The following XRN1 variants were observed in gnomAD, a reference collection of about 807,000 sequenced individuals.
XRN1 encodes 5'-3' exoribonuclease 1, also known as strand-exchange protein 1 homolog.
A neutral mutation model predicts 222.3 loss-of-function variants in XRN1; 67 were observed. The ratio of observed to expected loss-of-function variants is 0.30; its 90% CI spans 0.25 to 0.37. XRN1 has a LOEUF of 0.37. XRN1 is among the 10% of genes least tolerant of loss of function. The pLI, the probability that XRN1 is intolerant of heterozygous loss-of-function variation, is 1.00. For missense variants in XRN1, 1,707 were observed against 2,000.2 expected (o/e 0.85, Z 2.80); for synonymous variants, 643 against 652.4 (o/e 0.99, Z 0.22).
chr3:142,400,373 GAATC>G (rs2068081535), intron 19 of XRN1, 67 bp downstream of exon 19: 3 of 1,259,556 alleles, frequency 2.4e-6, no homozygotes. Context: ...TTAAAAAAAT[GAATC>G]AATAAAAGCC....
At chr3:142,319,930 A>ACG (rs915574971) in intron 37 of XRN1, among the ~76,000 whole-genome samples, 2 of 151,796 alleles carry the variant, frequency 1.3e-5, no homozygotes, top group African/African-American at 4.9e-5. Context: ...ACACACACAC[A>ACG]CGCACGCACA....
chr3:142,332,093 G>A (rs568454052), intron 36 of XRN1, among the ~76,000 whole-genome samples: 1 of 152,118 alleles, frequency 6.6e-6, no homozygotes, highest in East Asian at 1.9e-4. Context: ...TTATATAACT[G>A]AAACAAATAT....
intron 34 of XRN1, among the ~76,000 whole-genome samples, chr3:142,333,908 T>G (rs1053467024): frequency 2.6e-5 from 4 of 152,206 alleles, no homozygotes; most frequent in Non-Finnish European, 5.9e-5. Flanking sequence ...TTAAAGACAT[T>G]ATTCTGCTAG....
At chr3:142,397,654 C>T (rs2067979668) in intron 19 of XRN1, among the ~76,000 whole-genome samples, 194 bp from the exon 20 acceptor site, 1 of 151,964 alleles carries the variant, frequency 6.6e-6, no homozygotes, top group South Asian at 2.1e-4. Context: ...CAGAACAAGG[C>T]TTGTTAATTT....
intron 1 of XRN1, among the ~76,000 whole-genome samples, chr3:142,441,752 G>T (rs186103346): frequency 6.6e-6 from 1 of 152,302 alleles, no homozygotes; most frequent in East Asian, 1.9e-4. Flanking sequence ...GTGCACTTGT[G>T]CAACTCTTAA....
At chr3:142,327,996 T>C (rs1279951006) in intron 37 of XRN1, among the ~76,000 whole-genome samples, 1 of 152,178 alleles carries the variant, frequency 6.6e-6, no homozygotes, top group Non-Finnish European at 1.5e-5. Flanking sequence ...AAGACATGGT[T>C]TCATTCTTTT....
At chr3:142,357,370 GA>G (rs1227845698) in intron 30 of XRN1, among the ~76,000 whole-genome samples, 2 of 151,992 alleles carry the variant, frequency 1.3e-5, no homozygotes, top group Non-Finnish European at 2.9e-5. Flanking sequence ...GGTGTGTGTC[GA>G]TTTGTCGTTA....
At chr3:142,328,039 A>G (rs1459340056) in intron 37 of XRN1, among the ~76,000 whole-genome samples, 3 of 152,176 alleles carry the variant, frequency 2.0e-5, no homozygotes, top group Non-Finnish European at 4.4e-5. Context: ...CATTGTGTAT[A>G]TATACACCAC....
intron 25 of XRN1, among the ~76,000 whole-genome samples, chr3:142,375,356 T>G (rs961644989): frequency 6.6e-6 from 1 of 152,220 alleles, no homozygotes; most frequent in African/African-American, 2.4e-5. Context: ...TTCTCACTTT[T>G]GGTATGAGTT....
At position 142,364,483 on chromosome 3, in the gene XRN1, C is replaced by A. The variant is rs549908337; in HGVS notation, c.3394+564G>T. ...CTTAGCCACTTTTAAGCGTATGGTA[C>A]AGTAATGTGAACTGTATGCACACTG... On this transcript the variant is annotated intron_variant, in intron 29 of 40. Transcript: ENST00000392981. 2.6e-3 allele frequency among the ~76,000 whole-genome samples: 389 copies of A among 151,936 alleles called. 5 individuals carry two copies. The highest frequency in any genetic ancestry group is 9.1e-3 in the African/African-American group (376 of 41,422).
chr3:142,343,470 A>G (rs903428503), intron 33 of XRN1, among the ~76,000 whole-genome samples: 1 of 152,048 alleles, frequency 6.6e-6, no homozygotes, highest in Non-Finnish European at 1.5e-5. Context: ...AAAAAAAGAA[A>G]AAAAGAAAAG....
rs1408641843 is a variant in XRN1, at chr3:142,432,817, ACAT to A, written c.149_151del (p.Asp50del). The A allele has an allele frequency of 7.4e-6, 12 of 1,614,048 alleles. No individual in the cohort carries two copies. Among genetic ancestry groups the A allele is most frequent in the Non-Finnish European group, 1.0e-5 (12 of 1,180,008 alleles). ...TTTATCATCTGAAATTCTAAAGTGA[ACAT>A]CATCATCATTAGGATGGGAGCACTG... On this transcript the variant is annotated inframe_deletion, in exon 2 of 41. Transcript: ENST00000392981.
At chr3:142,360,883 A>AAC (rs899935013) in intron 29 of XRN1, among the ~76,000 whole-genome samples, 1 of 151,400 alleles carries the variant, frequency 6.6e-6, no homozygotes, top group Non-Finnish European at 1.5e-5. Context: ...CAAAAAAAAA[A>AAC]AAAAAAACCA....
intron 20 of XRN1, among the ~76,000 whole-genome samples, chr3:142,387,013 C>A (rs2067529177): frequency 6.6e-6 from 1 of 151,886 alleles, no homozygotes. Context: ...TAGACATATA[C>A]CCAAAAGGAA....
At chr3:142,335,990 G>A (rs764643336) in intron 33 of XRN1, among the ~76,000 whole-genome samples, 14 of 152,196 alleles carry the variant, frequency 9.2e-5, no homozygotes, top group Admixed American at 4.6e-4. Flanking sequence ...GCTTTAGGAC[G>A]ATTAAAATAT....
chr3:142,406,865 C>T (rs990774299), intron 15 of XRN1, among the ~76,000 whole-genome samples: 2 of 152,150 alleles, frequency 1.3e-5, no homozygotes. Flanking sequence ...TAAGATATAA[C>T]AAAATCTTGC....
intron 24 of XRN1, 157 bp from the exon 25 acceptor site, chr3:142,376,101 T>G (rs761895115): frequency 7.0e-6 from 9 of 1,292,082 alleles, no homozygotes; most frequent in Non-Finnish European, 8.0e-6. Context: ...TTATGGTTAT[T>G]TCCAAAGTAG....
chr3:142,348,539 C>T (rs921243463), intron 32 of XRN1, among the ~76,000 whole-genome samples: 6 of 152,104 alleles, frequency 3.9e-5, no homozygotes, highest in Non-Finnish European at 8.8e-5. Context: ...AGACAATTTC[C>T]CACAGTTGAA....
At position 142,422,212 on chromosome 3, in the gene XRN1, G is replaced by A. The variant is rs1015912260; in HGVS notation, c.967+370C>T. ...TAGCTGGGCATGGTGACACATGCCT[G>A]TAATCCCAGCTACTCAGGAGGCAGA... is the stretch of plus-strand genomic sequence containing the variant. On this transcript the variant is annotated intron_variant, in intron 8 of 40. Transcript: ENST00000392981. Among the ~76,000 whole-genome samples, 3 of 152,070 alleles carry A rather than the reference G, an allele frequency of 2.0e-5. No individual in the cohort carries two copies. The South Asian group carries it at 6.2e-4, about 32-fold the overall frequency.
Sources: gnomAD v4.1 joint callset for allele counts (sites outside exome capture counted in the v4.1 genomes callset) on GRCh38, gnomAD v4.1.1 for gene constraint, MANE v1.5 for transcripts, NCBI Gene and HGNC (gene_info 2026-07-23, HGNC 2026-07-21) for gene names.